Variants in ZDHHC3 observed in about 807,000 individuals in gnomAD.
ZDHHC3 encodes the protein zDHHC palmitoyltransferase 3, also known as palmitoyltransferase ZDHHC3.
Under a neutral mutation model 30.6 loss-of-function variants are expected in ZDHHC3, and 9 were observed. The ratio of observed to expected loss-of-function variants is 0.29; its 90% CI spans 0.18 to 0.51. The LOEUF (loss-of-function observed/expected upper bound fraction) is 0.51, where lower values mean the gene tolerates loss of function less well. Among genes scored for constraint, ZDHHC3 ranks in the 20% least tolerant of loss-of-function variants. The probability of loss-of-function intolerance (pLI) is 0.97; values close to 1 mark genes in which losing one functional copy is unlikely to be tolerated. For missense variants in ZDHHC3, 246 were observed against 384.2 expected, an observed-to-expected ratio of 0.64 and a Z score of 3.01; for synonymous variants, 136 against 140.2, an observed-to-expected ratio of 0.97 and a Z score of 0.21.
Position 44,925,258 on chromosome 3 carries a change from G to A in ZDHHC3, c.*1431C>T. 1.0e-6 allele frequency: 1 copy of A among 985,834 alleles called. No homozygotes were observed. The highest frequency in any genetic ancestry group is 1.2e-6 in the Non-Finnish European group (1 of 829,936). The allele number at this position is 985,834 out of a possible 1,614,324, so 61.1% of individuals were successfully genotyped here. On this transcript the variant is annotated 3_prime_UTR_variant, in exon 7 of 7. Transcript: ENST00000424952. Reference sequence around the variant, plus strand: ...GGCAGCATGTTCCACTTACTTTTCTGAAAAATCACATGGCTAGATTAACTT... The same window carrying A: ...GGCAGCATGTTCCACTTACTTTTCTAAAAAATCACATGGCTAGATTAACTT...
intron 2 of ZDHHC3, 74 bp from the exon 3 acceptor site, chr3:44,945,366 T>A: frequency 6.3e-7 from 1 of 1,598,018 alleles, no homozygotes; most frequent in Non-Finnish European, 8.6e-7. Flanking sequence ...GTGGGGATAG[T>A]TATTTGAAAG....
chr3:44,930,810 C>A (rs1046758380), intron 5 of ZDHHC3, among the ~76,000 whole-genome samples: 13 of 152,186 alleles, frequency 8.5e-5, no homozygotes, highest in Non-Finnish European at 1.6e-4. Flanking sequence ...GGCCACCAGC[C>A]TGATGGCCTG....
chr3:44,966,183 C>T (rs1401929), intron 1 of ZDHHC3, among the ~76,000 whole-genome samples: 32,024 of 152,162 alleles, frequency 0.21, 4,979 homozygotes, highest in East Asian at 0.77. Flanking sequence ...ACTATAAAAT[C>T]GAAACTCAAT....
chr3:44,946,807 C>T (rs934892944), intron 2 of ZDHHC3, among the ~76,000 whole-genome samples: 5 of 152,220 alleles, frequency 3.3e-5, no homozygotes, highest in South Asian at 2.1e-4. Flanking sequence ...GCAGTGTCAG[C>T]GGGGAGGCCG....
Position 44,922,820 on chromosome 3 carries a change from T to C in ZDHHC3, c.*3869A>G. On this transcript the variant is annotated 3_prime_UTR_variant, in exon 7 of 7. Transcript: ENST00000424952. ...CAGGTGATGCTGATGTTGACGTTGC[T>C]GGTCTGGCAACCTCAAGAACACCTT... is the stretch of plus-strand genomic sequence containing the variant. 3 of 985,338 alleles carry C rather than the reference T, an allele frequency of 3.0e-6. No homozygotes were observed. Among genetic ancestry groups the C allele is most frequent in the Non-Finnish European group, 3.6e-6 (3 of 829,876 alleles). The allele number at this position is 985,338 out of a possible 1,614,324, so 61.0% of individuals were successfully genotyped here.
intron 5 of ZDHHC3, 71 bp from the exon 6 acceptor site, chr3:44,929,507 T>C (rs1381650333): frequency 6.3e-7 from 1 of 1,582,944 alleles, no homozygotes. Flanking sequence ...ACTGCCCCAC[T>C]AGGCGCCCAC....
At chr3:44,927,000 AC>A (rs1380338967) in intron 6 of ZDHHC3, among the ~76,000 whole-genome samples, 153 bp from the exon 7 acceptor site, 1 of 152,210 alleles carries the variant, frequency 6.6e-6, no homozygotes, top group African/African-American at 2.4e-5. Context: ...AAAAAGTGTT[AC>A]TAAAAAAATT....
intron 2 of ZDHHC3, among the ~76,000 whole-genome samples, chr3:44,945,526 TTTC>T (rs1702843808): frequency 6.6e-6 from 1 of 152,142 alleles, no homozygotes; most frequent in African/African-American, 2.4e-5. Context: ...TTTGATTTCT[TTTC>T]TTTTCTTTGT....
intron 5 of ZDHHC3, 24 bp from the exon 6 acceptor site, chr3:44,929,460 G>A: frequency 6.2e-7 from 1 of 1,612,710 alleles, no homozygotes; most frequent in East Asian, 2.2e-5. Context: ...AGCACACAGG[G>A]ATTGGTACTG....
rs573984127 is a variant in ZDHHC3, at chr3:44,925,304, T to C, written c.*1385A>G. On this transcript the variant is annotated 3_prime_UTR_variant, in exon 7 of 7. Coordinates refer to ENST00000424952, the MANE Select transcript of ZDHHC3 (RefSeq NM_001135179.2). Reference sequence around the variant, plus strand: ...AACTTTCGCCCTACCCAGGACAGGATTGAATAAACCTTAACTCCTACCCCC... The same window carrying C: ...AACTTTCGCCCTACCCAGGACAGGACTGAATAAACCTTAACTCCTACCCCC... 1.8e-4 allele frequency: 178 copies of C among 985,852 alleles called. 2 individuals carry two copies. The African/African-American group carries it at 2.8e-3, about 15-fold the overall frequency. The allele number at this position is 985,852 out of a possible 1,614,324, so 61.1% of individuals were successfully genotyped here. A position where few individuals can be genotyped will look rare whatever the true frequency, so the allele number is the denominator to read the frequency against.
intron 1 of ZDHHC3, chr3:44,975,282 A>G (rs895614634): frequency 1.3e-5 from 2 of 152,130 alleles, no homozygotes; most frequent in African/African-American, 4.8e-5. Flanking sequence ...TCCAATGCCC[A>G]TACTCCCACT....
rs1010779214 is a variant in ZDHHC3, at chr3:44,923,820, T to C, written c.*2869A>G. 2.0e-6 allele frequency: 2 copies of C among 985,292 alleles called. No homozygotes were observed. 61.0% of individuals were successfully genotyped at this position (985,292 alleles called of 1,614,324 possible). A position where few individuals can be genotyped will look rare whatever the true frequency, so the allele number is the denominator to read the frequency against. On this transcript the variant is annotated 3_prime_UTR_variant, in exon 7 of 7. Transcript: ENST00000424952. ...CTTGTCTCAAACAAAAAAGAGGAAGTACAGTATGAAGAAGACAAAATGGTG... is the reference window on the plus strand; with the variant it reads ...CTTGTCTCAAACAAAAAAGAGGAAGCACAGTATGAAGAAGACAAAATGGTG...
chr3:44,966,044 T>C (rs1211715374), intron 1 of ZDHHC3, among the ~76,000 whole-genome samples: 1 of 152,228 alleles, frequency 6.6e-6, no homozygotes, highest in East Asian at 1.9e-4. Context: ...ATGAAATAGC[T>C]GTATACAGAC....
rs183712112 is a variant in ZDHHC3, at chr3:44,959,128, C to T, written c.306+3G>A. ...TGGTCAAAACAAGCCCAGACATACT[C>T]ACGGGGTCCGTCAGCATGGCCCGGC... On this transcript the variant is annotated splice_donor_region_variant and intron_variant, in intron 2 of 6. Transcript: ENST00000424952. This position sits in a 1 kb window ranked among gnomAD's most constrained non-coding sequence, Gnocchi z 4.3. 3.0e-4 allele frequency: 486 copies of T among 1,614,016 alleles called. No homozygotes were observed. The African/African-American group carries it at 6.0e-3, about 20-fold the overall frequency.
chr3:44,962,570 T>C (rs899871376), intron 1 of ZDHHC3, among the ~76,000 whole-genome samples: 10 of 150,236 alleles, frequency 6.7e-5, no homozygotes, highest in Non-Finnish European at 1.3e-4. Flanking sequence ...TATAGCTGTT[T>C]GTCCCTTAAG....
chr3:44,936,999 T>G (rs1204974082), intron 3 of ZDHHC3, among the ~76,000 whole-genome samples: 2 of 152,138 alleles, frequency 1.3e-5, no homozygotes, highest in Non-Finnish European at 2.9e-5. Flanking sequence ...CACCAGCCAA[T>G]AGATGTGCTC....
At chr3:44,940,233 C>T (rs1340292898) in intron 3 of ZDHHC3, among the ~76,000 whole-genome samples, 2 of 152,218 alleles carry the variant, frequency 1.3e-5, no homozygotes, top group Non-Finnish European at 2.9e-5. Context: ...CCAGCCCCCA[C>T]TGCATGCACA....
Position 44,920,352 on chromosome 3 carries a change from G to A in ZDHHC3, c.*6337C>T. On this transcript the variant is annotated 3_prime_UTR_variant, in exon 7 of 7. Transcript: ENST00000424952. ...TCATCTGCAGCCTGTTGAGAAAGAG[G>A]CTTTAACTTCATAGCACGAGAGCTG... 1 of 1,289,656 alleles carries A rather than the reference G, an allele frequency of 7.8e-7. No individual in the cohort carries two copies. The highest frequency in any genetic ancestry group is 1.2e-5 in the South Asian group (1 of 81,012). 79.9% of individuals were successfully genotyped at this position (1,289,656 alleles called of 1,614,324 possible).
intron 2 of ZDHHC3, among the ~76,000 whole-genome samples, chr3:44,952,600 T>C (rs1420912638): frequency 2.0e-5 from 3 of 152,310 alleles, no homozygotes; most frequent in African/African-American, 7.2e-5. Flanking sequence ...ACCAATCCAG[T>C]GCCACCTCCC....
Sources: allele counts gnomAD v4.1 joint callset (sites outside exome capture counted in the v4.1 genomes callset), GRCh38; gene constraint gnomAD v4.1.1; non-coding constraint Gnocchi (gnomAD v3.1); transcripts MANE v1.5; gene names NCBI Gene and HGNC (gene_info 2026-07-23, HGNC 2026-07-21).